The following WDR26 variants were observed in gnomAD, a reference collection of about 807,000 sequenced individuals.
WDR26 encodes the protein WD repeat domain 26, also known as WD repeat-containing protein 26.
Under a neutral mutation model 84.1 loss-of-function variants are expected in WDR26, and 5 were observed. That is an observed-to-expected ratio of 0.06 (90% CI 0.03 to 0.13). The LOEUF (loss-of-function observed/expected upper bound fraction) is 0.13, where lower values mean the gene tolerates loss of function less well. Ranked by LOEUF, WDR26 falls within the 10% of genes least tolerant of loss-of-function variation. The pLI, the probability that WDR26 is intolerant of heterozygous loss-of-function variation, is 1.00. For missense variants in WDR26, 642 were observed against 974.9 expected, an observed-to-expected ratio of 0.66 and a Z score of 4.55; for synonymous variants, 415 against 389.6, an observed-to-expected ratio of 1.07 and a Z score of -0.77.
chr1:224,390,993 G>C (rs886920748), intron 13 of WDR26, among the ~76,000 whole-genome samples: 1 of 151,860 alleles, frequency 6.6e-6, no homozygotes, highest in Non-Finnish European at 1.5e-5. Context: ...GTGGTCTTGT[G>C]TCCTGCTTCT....
chr1:224,425,413 A>C (rs1375048990), intron 3 of WDR26, among the ~76,000 whole-genome samples: 1 of 152,240 alleles, frequency 6.6e-6, no homozygotes, highest in Non-Finnish European at 1.5e-5. Context: ...ATGCATTTAA[A>C]AGTGAAGCAC....
At chr1:224,389,897 CGGGGGAGGGA>C in intron 13 of WDR26, 37 bp from the exon 14 acceptor site, 5 of 174,190 alleles carry the variant, frequency 2.9e-5, no homozygotes, top group Non-Finnish European at 5.6e-5. Context: ...GGGGGGCGGG[CGGGGGAGGGA>C]AGAGGGGAAG....
At chr1:224,432,357 A>AGCTT (rs1466741454) in intron 1 of WDR26, among the ~76,000 whole-genome samples, 1 of 152,176 alleles carries the variant, frequency 6.6e-6, no homozygotes, top group Non-Finnish European at 1.5e-5. Context: ...TGCTGCTGTC[A>AGCTT]GCTTGCTTCT....
chr1:224,431,217 A>G (rs754021621), intron 3 of WDR26: 3 of 355,210 alleles, frequency 8.4e-6, no homozygotes, highest in Non-Finnish European at 1.6e-5. Flanking sequence ...AACCTCTATT[A>G]GTAGCACTGA....
chr1:224,411,071 G>A (rs183597343), intron 7 of WDR26, among the ~76,000 whole-genome samples: 232 of 152,222 alleles, frequency 1.5e-3, no homozygotes, highest in Non-Finnish European at 2.3e-3. Flanking sequence ...AAGGTATTCC[G>A]GGATTTGAGT....
intron 12 of WDR26, among the ~76,000 whole-genome samples, chr1:224,395,134 G>A (rs1225939898): frequency 6.6e-6 from 1 of 152,168 alleles, no homozygotes; most frequent in African/African-American, 2.4e-5. Context: ...CTGACTAGCT[G>A]AGCAACTTTG....
In WDR26 at chr1:224,407,151, A is replaced by AAAATATATATATATATAT; in HGVS notation, c.1459-2582_1459-2581insATATATATATATATATTT. Among the ~76,000 whole-genome samples the AAAATATATATATATATAT allele has an allele frequency of 1.8e-3, 21 of 11,876 alleles. 2 individuals are homozygous for AAAATATATATATATATAT. The highest frequency in any genetic ancestry group is 9.5e-3 in the South Asian group (2 of 210). The allele number at this position is 11,876 out of a possible 152,430, so 7.8% of individuals were successfully genotyped here. On this transcript the variant is annotated intron_variant, in intron 7 of 13. Coordinates refer to ENST00000414423, the MANE Select transcript of WDR26 (RefSeq NM_001379403.1). Reference sequence around the variant, plus strand: ...AAAAAAAAAAAAAAAAAAAAAAAAAAATATATATATATATATATATAACTC... The same window carrying AAAATATATATATATATAT: ...AAAAAAAAAAAAAAAAAAAAAAAAAAAAATATATATATATATATATATATATATATATATATATAACTC...
chr1:224,411,288 C>A (rs1402187604), intron 7 of WDR26, 139 bp downstream of exon 7: 2 of 861,772 alleles, frequency 2.3e-6, no homozygotes, highest in Non-Finnish European at 3.3e-6. Flanking sequence ...CTATACAACA[C>A]ATGAAGATGT....
intron 1 of WDR26, 75 bp from the exon 2 acceptor site, chr1:224,431,856 T>C (rs1195584053): frequency 2.5e-6 from 3 of 1,176,824 alleles, no homozygotes; most frequent in Admixed American, 6.1e-5. Flanking sequence ...CTAATGTCCA[T>C]GAAAACAGAT....
At chr1:224,428,363 T>C (rs1313295642) in intron 3 of WDR26, among the ~76,000 whole-genome samples, 2 of 152,204 alleles carry the variant, frequency 1.3e-5, no homozygotes, top group African/African-American at 4.8e-5. Flanking sequence ...TCTTATCAAT[T>C]AAATCATGAT....
At chr1:224,409,746 C>T (rs1673681347) in intron 7 of WDR26, among the ~76,000 whole-genome samples, 1 of 151,422 alleles carries the variant, frequency 6.6e-6, no homozygotes, top group Admixed American at 6.6e-5. Context: ...GCCTGTAGTC[C>T]CAGCTAGTTG....
Position 224,433,810 on chromosome 1 carries a change from G to A in WDR26, c.596C>T (p.Thr199Ile), listed in dbSNP as rs1341324843. The A allele has an allele frequency of 2.0e-6, 3 of 1,536,988 alleles. No individual in the cohort carries two copies. Among genetic ancestry groups the A allele is most frequent in the Non-Finnish European group, 2.6e-6 (3 of 1,146,808 alleles). Residue 199 changes from threonine (T) to isoleucine (I), a missense_variant, in exon 1 of 14, where the codon ACC (threonine) becomes ATC (isoleucine). Transcript: ENST00000414423. ...GGTGGCCAAGGAAGAGGAGGCGGCG[G>A]TGGTGGCGGAGGCAGCTGCGACGGT... is the stretch of plus-strand genomic sequence containing the variant.
intron 4 of WDR26, 120 bp from the exon 5 acceptor site, chr1:224,419,735 C>T (rs903562232): frequency 1.3e-5 from 9 of 705,504 alleles, no homozygotes; most frequent in Non-Finnish European, 2.0e-5. Context: ...GAAATTTCTA[C>T]AGTGGACTCA....
rs571955336 is a variant in WDR26 at position 224,394,774 on chromosome 1, C to A, written c.2075-761G>T. ...CCTCCCAAAGTGCTGGGATTACAGG[C>A]ATGAGCTACTGCGCCCCGCCTGCTT... On this transcript the variant is annotated intron_variant, in intron 12 of 13. Transcript: ENST00000414423. Among the ~76,000 whole-genome samples, 20 of 152,246 alleles carry A rather than the reference C, an allele frequency of 1.3e-4. No individual in the cohort carries two copies. The South Asian group carries it at 4.2e-3, about 32-fold the overall frequency.
chr1:224,405,367 A>G (rs1673523487), intron 7 of WDR26, among the ~76,000 whole-genome samples: 1 of 152,204 alleles, frequency 6.6e-6, no homozygotes, highest in South Asian at 2.1e-4. Context: ...GGCTATTATG[A>G]ATAATGCTGT....
intron 13 of WDR26, 33 bp from the exon 14 acceptor site, chr1:224,389,893 CGGGCG>C: frequency 8.9e-6 from 1 of 111,876 alleles, no homozygotes; most frequent in Non-Finnish European, 1.9e-5. Flanking sequence ...GTATGGGGGG[CGGGCG>C]GGGGAGGGAA....
Position 224,434,669 on chromosome 1 carries a change from G to C in WDR26, c.-264C>G, listed in dbSNP as rs1674557588. On this transcript the variant is annotated 5_prime_UTR_variant, in exon 1 of 14. Coordinates refer to ENST00000414423, the MANE Select transcript of WDR26 (RefSeq NM_001379403.1). ...GCGGGGGCGCGGGGCCCGCCGCTGGGCTGAGCCCCGGCAGTGGCTGCGGCG... is the reference window on the plus strand; with the variant it reads ...GCGGGGGCGCGGGGCCCGCCGCTGGCCTGAGCCCCGGCAGTGGCTGCGGCG... The C allele has an allele frequency of 6.0e-6, 5 of 839,308 alleles. No homozygotes were observed. The highest frequency in any genetic ancestry group is 2.9e-6 in the Non-Finnish European group (2 of 698,914). 52.0% of individuals were successfully genotyped at this position (839,308 alleles called of 1,614,324 possible). A position where few individuals can be genotyped will look rare whatever the true frequency, so the allele number is the denominator to read the frequency against.
Position 224,404,561 on chromosome 1 carries a change from G to T in WDR26, c.1468C>A (p.Leu490Met). 6.2e-7 allele frequency: 1 copy of T among 1,611,974 alleles called. No homozygotes were observed. Among genetic ancestry groups the T allele is most frequent in the Admixed American group, 1.7e-5 (1 of 59,752 alleles). ...TCTAATGTTTTAAGCAGTTTTAGCA[G>T]GTGTGTATCCTGGGAGGGAAAATAA... Residue 490 changes from leucine to methionine, a missense_variant, in exon 8 of 14, where the codon CTG (leucine) becomes ATG (methionine). Leu to Met is a conservative substitution (Grantham distance 15). Transcript: ENST00000414423.
At chr1:224,392,125 G>A (rs1673144618) in intron 13 of WDR26, among the ~76,000 whole-genome samples, 1 of 152,158 alleles carries the variant, frequency 6.6e-6, no homozygotes. Flanking sequence ...ACTTTGGGAG[G>A]CCGAGGCGGG....
Sources: allele counts gnomAD v4.1 joint callset (sites outside exome capture counted in the v4.1 genomes callset), GRCh38; gene constraint gnomAD v4.1.1; transcripts MANE v1.5; gene names NCBI Gene and HGNC (gene_info 2026-07-23, HGNC 2026-07-21).